SYNDIG1L: variants seen among roughly 807,000 people sequenced by gnomAD.
The protein encoded by SYNDIG1L is synapse differentiation inducing 1 like.
A neutral mutation model predicts 20.1 loss-of-function variants in SYNDIG1L; 13 were observed. That is an observed-to-expected ratio of 0.65 (90% CI 0.42 to 1.03). SYNDIG1L has a LOEUF of 1.03. Ranked by LOEUF, SYNDIG1L falls within the 50% of genes least tolerant of loss-of-function variation. SYNDIG1L has a pLI of 0.00. For synonymous variants in SYNDIG1L, 128 were observed against 129.3 expected, an observed-to-expected ratio of 0.99 and a Z score of 0.07; for missense variants, 294 against 305.1, an observed-to-expected ratio of 0.96 and a Z score of 0.27.
At chr14:74,453,345 T>G in the SYNDIG1L span, among the ~76,000 whole-genome samples, 2 of 89,680 alleles carry the variant, frequency 2.2e-5, no homozygotes, top group Admixed American at 1.9e-4. Flanking sequence ...AGAGTGAGAC[T>G]CTGTCTCAAA....
chr14:74,446,387 A>G, the SYNDIG1L span, among the ~76,000 whole-genome samples: 4 of 152,200 alleles, frequency 2.6e-5, no homozygotes, highest in Non-Finnish European at 5.9e-5. Context: ...TGTCTTCTAA[A>G]TAAGTACCAG....
At chr14:74,474,311 G>A in the SYNDIG1L span, 4 of 152,256 alleles carry the variant, frequency 2.6e-5, no homozygotes, top group African/African-American at 9.6e-5. Flanking sequence ...CACCTTGACA[G>A]GAGATGGTTC....
chr14:74,432,829 G>A, the SYNDIG1L span, among the ~76,000 whole-genome samples: 1 of 151,964 alleles, frequency 6.6e-6, no homozygotes, highest in African/African-American at 2.4e-5. Flanking sequence ...ACTCCAGCCT[G>A]GGGGACAGAG....
the SYNDIG1L span, among the ~76,000 whole-genome samples, chr14:74,465,208 G>T: frequency 2.0e-5 from 3 of 152,252 alleles, no homozygotes; most frequent in African/African-American, 7.2e-5. Context: ...GAAGCTAAAA[G>T]TGGTCAGGAC....
the SYNDIG1L span, among the ~76,000 whole-genome samples, chr14:74,445,535 C>T: frequency 6.6e-6 from 1 of 151,898 alleles, no homozygotes; most frequent in Non-Finnish European, 1.5e-5. Context: ...AGTGCAGTGG[C>T]GCAATCTTGG....
At chr14:74,418,396 T>C (rs1220990331) in intron 1 of SYNDIG1L, among the ~76,000 whole-genome samples, 2 of 152,244 alleles carry the variant, frequency 1.3e-5, no homozygotes, top group African/African-American at 4.8e-5. Flanking sequence ...TTGATTATCC[T>C]TTCTCTCGCC....
chr14:74,412,062 A>T (rs1312564511), intron 1 of SYNDIG1L, among the ~76,000 whole-genome samples: 2 of 152,224 alleles, frequency 1.3e-5, no homozygotes, highest in African/African-American at 4.8e-5. Flanking sequence ...TGGGCAGGTC[A>T]TGCAGACTTG....
At chr14:74,407,816 C>A in intron 3 of SYNDIG1L, 33 bp downstream of exon 3, 1 of 1,597,628 alleles carries the variant, frequency 6.3e-7, no homozygotes, top group Non-Finnish European at 8.5e-7. Context: ...AGTGACGGGC[C>A]AGAGAAGGGA....
chr14:74,454,949 C>G, the SYNDIG1L span, among the ~76,000 whole-genome samples: 1 of 152,226 alleles, frequency 6.6e-6, no homozygotes, highest in Non-Finnish European at 1.5e-5. Context: ...ATGTGGTTAG[C>G]AGTTGTCTGT....
the SYNDIG1L span, among the ~76,000 whole-genome samples, chr14:74,457,613 T>G: frequency 1.7e-3 from 261 of 151,750 alleles, no homozygotes; most frequent in African/African-American, 6.1e-3. Context: ...CCTATTCCCT[T>G]TTTATCCACT....
chr14:74,414,035 G>T (rs4903222), intron 1 of SYNDIG1L, among the ~76,000 whole-genome samples: 24,409 of 152,188 alleles, frequency 0.16, 2,350 homozygotes, highest in Middle Eastern at 0.33. Flanking sequence ...CCCTTGGCTT[G>T]GCCTGGCCTT....
the SYNDIG1L span, among the ~76,000 whole-genome samples, chr14:74,435,113 T>TAA: frequency 7.3e-6 from 1 of 136,388 alleles, no homozygotes. Context: ...AAAAAAAATC[T>TAA]AGGGGAAGAC....
intron 2 of SYNDIG1L, among the ~76,000 whole-genome samples, chr14:74,408,630 G>A (rs1212022979): frequency 6.6e-6 from 1 of 151,312 alleles, no homozygotes; most frequent in Non-Finnish European, 1.5e-5. Flanking sequence ...AATAAATGAT[G>A]GAAGAACTCA....
the SYNDIG1L span, among the ~76,000 whole-genome samples, chr14:74,442,403 G>T: frequency 2.6e-5 from 4 of 152,206 alleles, no homozygotes; most frequent in Admixed American, 1.3e-4. Context: ...ACTGAAGAAT[G>T]AGGATAGCTA....
At chr14:74,448,306 A>G in the SYNDIG1L span, among the ~76,000 whole-genome samples, 105 of 152,306 alleles carry the variant, frequency 6.9e-4, no homozygotes, top group African/African-American at 2.5e-3. Context: ...AAGCAAAAAG[A>G]TGAAAAAAGA....
chr14:74,411,479 C>G (rs1214115154), intron 1 of SYNDIG1L, among the ~76,000 whole-genome samples: 1 of 152,170 alleles, frequency 6.6e-6, no homozygotes, highest in East Asian at 1.9e-4. Context: ...TATCTAGTCA[C>G]CTCTCCAGTC....
the SYNDIG1L span, among the ~76,000 whole-genome samples, chr14:74,444,371 A>G: frequency 3.3e-5 from 5 of 152,038 alleles, no homozygotes; most frequent in African/African-American, 1.2e-4. Flanking sequence ...TGCTTCATGA[A>G]TTTATTTTAT....
the SYNDIG1L span, among the ~76,000 whole-genome samples, chr14:74,460,421 C>A: frequency 6.6e-6 from 1 of 152,210 alleles, no homozygotes; most frequent in Non-Finnish European, 1.5e-5. Flanking sequence ...TCCACAGCCA[C>A]CTCCTGAACC....
At chr14:74,463,805 G>C in the SYNDIG1L span, among the ~76,000 whole-genome samples, 1 of 152,304 alleles carries the variant, frequency 6.6e-6, no homozygotes, top group Admixed American at 6.5e-5. Flanking sequence ...ACAGATCCAG[G>C]TTAGGGAAGA....
Sources: allele counts gnomAD v4.1 joint callset (sites outside exome capture counted in the v4.1 genomes callset), GRCh38; gene constraint gnomAD v4.1.1; transcripts MANE v1.5; gene names NCBI Gene and HGNC (gene_info 2026-07-23, HGNC 2026-07-21).